The following AOX1 variants were observed in gnomAD, a reference collection of about 807,000 sequenced individuals.
The protein encoded by AOX1 is aldehyde oxidase.
A neutral mutation model predicts 169.5 loss-of-function variants in AOX1; 153 were observed. That is an observed-to-expected ratio of 0.90 (90% CI 0.79 to 1.03). The LOEUF (loss-of-function observed/expected upper bound fraction) is 1.03. Ranked by LOEUF, AOX1 falls within the 50% of genes least tolerant of loss-of-function variation. The pLI, the probability that AOX1 is intolerant of heterozygous loss-of-function variation, is 0.00. For synonymous variants in AOX1, 562 were observed against 581.9 expected (o/e 0.97, Z 0.49); for missense variants, 1,656 against 1,663.9 (o/e 1.00, Z 0.08).
At chr2:200,668,836 TTA>T (rs2035973937) in intron 33 of AOX1, 33 bp downstream of exon 33, 1 of 1,581,238 alleles carries the variant, frequency 6.3e-7, no homozygotes, top group African/African-American at 1.3e-5. Flanking sequence ...ATATGCATGT[TTA>T]TATGATACCT....
chr2:200,596,703 C>A (rs941297177), intron 3 of AOX1, among the ~76,000 whole-genome samples: 1 of 152,176 alleles, frequency 6.6e-6, no homozygotes, highest in African/African-American at 2.4e-5. Flanking sequence ...AATTGTATCT[C>A]AGGGATGAGA....
intron 1 of AOX1, among the ~76,000 whole-genome samples, chr2:200,588,726 C>CTTTTTTTTTGTTTTTTTTTTTTTTT (rs2034096687): frequency 1.9e-5 from 1 of 53,986 alleles, no homozygotes; most frequent in South Asian, 6.3e-4. Context: ...CTAGAATAAG[C>CTTTTTTTTTGTTTTTTTTTTTTTTT]TTTTTTTTTT....
In AOX1 at chr2:200,668,760, T is replaced by G. The variant is rs1162335317; in HGVS notation, c.3755T>G (p.Leu1252Trp). ...CDMPTELHIA[L>W]LPPSQNSNTL... ...ATGCCCACGGAGTTGCACATTGCTTTGTTGCCTCCTTCTCAAAACTCAAAT... is the reference window on the plus strand; with the variant it reads ...ATGCCCACGGAGTTGCACATTGCTTGGTTGCCTCCTTCTCAAAACTCAAAT... Residue 1252 changes from leucine (L) to tryptophan (W), a missense_variant, in exon 33 of 35, where the codon TTG becomes TGG. Leu to Trp is a moderately conservative substitution (Grantham distance 61, BLOSUM62 -2). Transcript: ENST00000374700. 6.2e-7 allele frequency: 1 copy of G among 1,614,062 alleles called. No homozygotes were observed. The highest frequency in any genetic ancestry group is 8.5e-7 in the Non-Finnish European group (1 of 1,180,050).
At chr2:200,590,290 C>G (rs1487248202) in intron 1 of AOX1, among the ~76,000 whole-genome samples, 1 of 152,184 alleles carries the variant, frequency 6.6e-6, no homozygotes, top group African/African-American at 2.4e-5. Context: ...TGAACTTGGA[C>G]TCTCCCAAAA....
At chr2:200,612,473 A>T in intron 13 of AOX1, 136 bp from the exon 14 acceptor site, 1 of 790,412 alleles carries the variant, frequency 1.3e-6, no homozygotes, top group Non-Finnish European at 2.1e-6. Context: ...CAACACACAC[A>T]CACTACCTGG....
At chr2:200,621,676 T>TTCTCTCTCTCTCTC (rs71405337) in intron 18 of AOX1, among the ~76,000 whole-genome samples, 2 of 149,130 alleles carry the variant, frequency 1.3e-5, no homozygotes, top group East Asian at 2.0e-4. Context: ...AGTTCATTCA[T>TTCTCTCTCTCTCTC]TCTCTCTCTC....
chr2:200,669,592 G>A lies in AOX1; in HGVS notation c.3816G>A (p.Gly1272=). Residue 1272 remains glycine (G), a synonymous_variant, in exon 34 of 35, where the codon GGG becomes GGA. Coordinates refer to ENST00000374700, the MANE Select transcript of AOX1 (RefSeq NM_001159.4). ...LYSSKGLGES[G]VFLGCSVFFA... ...CTTTCAAGGGTCTGGGAGAGTCGGG[G>A]GTGTTCCTGGGGTGTTCCGTGTTTT... is the stretch of plus-strand genomic sequence containing the variant. The A allele has an allele frequency of 1.2e-6, 2 of 1,613,964 alleles. No individual in the cohort carries two copies. The highest frequency in any genetic ancestry group is 1.7e-6 in the Non-Finnish European group (2 of 1,179,996).
rs752407149 is a variant in AOX1 at position 200,642,793 on chromosome 2, C to T, written c.2839C>T (p.Pro947Ser). 2.7e-5 allele frequency: 43 copies of T among 1,612,476 alleles called. No individual in the cohort carries two copies. Among genetic ancestry groups the T allele is most frequent in the Non-Finnish European group, 3.4e-5 (40 of 1,179,210 alleles). The part of the protein sequence containing the change: ...TEVAAKCGLS[P>S]EKVRIINMYK... The stretch of plus-strand genomic sequence containing the variant: ...AGTTGCAGCCAAATGTGGACTATCC[C>T]CTGAGAAGGTAATACTAAATCAGCT... Residue 947 changes from proline to serine, a missense_variant, in exon 25 of 35, where the codon CCT (proline) becomes TCT (serine). Coordinates refer to ENST00000374700, the MANE Select transcript of AOX1 (RefSeq NM_001159.4).
chr2:200,592,409 C>T (rs549997446), intron 1 of AOX1, among the ~76,000 whole-genome samples: 233 of 152,298 alleles, frequency 1.5e-3, no homozygotes, highest in Non-Finnish European at 2.6e-3. Context: ...GCAAGTCATG[C>T]TTCTATGTGT....
At chr2:200,627,605 C>G (rs1235946390) in intron 20 of AOX1, among the ~76,000 whole-genome samples, 156 bp downstream of exon 20, 4 of 152,114 alleles carry the variant, frequency 2.6e-5, no homozygotes, top group Non-Finnish European at 5.9e-5. Flanking sequence ...GTGTTTCCCT[C>G]CGTCTCTGGG....
At chr2:200,609,193 G>A in intron 11 of AOX1, 58 bp downstream of exon 11, 1 of 1,600,958 alleles carries the variant, frequency 6.2e-7, no homozygotes, top group Non-Finnish European at 8.5e-7. Context: ...TCTCCCTGAT[G>A]AATCATGACA....
intron 10 of AOX1, among the ~76,000 whole-genome samples, chr2:200,607,875 C>G (rs1417463322): frequency 1.3e-5 from 2 of 152,130 alleles, no homozygotes; most frequent in Non-Finnish European, 2.9e-5. Flanking sequence ...GAACAGAAAA[C>G]CAAACACCAC....
intron 6 of AOX1, among the ~76,000 whole-genome samples, 183 bp from the exon 7 acceptor site, chr2:200,603,084 A>G (rs1447096564): frequency 2.0e-5 from 3 of 152,092 alleles, no homozygotes; most frequent in Non-Finnish European, 4.4e-5. Flanking sequence ...GCTATTCAAA[A>G]TTTTCTGTAA....
chr2:200,601,670 G>A (rs1010886986), intron 5 of AOX1, among the ~76,000 whole-genome samples: 1 of 151,902 alleles, frequency 6.6e-6, no homozygotes, highest in African/African-American at 2.4e-5. Flanking sequence ...AGTGGCTCAC[G>A]CCTGTAATCC....
chr2:200,631,965 GT>G (rs1305747818), intron 20 of AOX1, among the ~76,000 whole-genome samples: 2 of 151,958 alleles, frequency 1.3e-5, no homozygotes, highest in Non-Finnish European at 2.9e-5. Flanking sequence ...TCATTTTTCT[GT>G]GCTCTTTTTT....
chr2:200,640,964 A>G, intron 23 of AOX1, 134 bp from the exon 24 acceptor site: 1 of 621,024 alleles, frequency 1.6e-6, no homozygotes. Flanking sequence ...AGAGCTAGTT[A>G]TATACTATCC....
chr2:200,665,382 C>G (rs1039377389), intron 31 of AOX1, among the ~76,000 whole-genome samples: 1 of 152,178 alleles, frequency 6.6e-6, no homozygotes, highest in Non-Finnish European at 1.5e-5. Context: ...CCACTCTCTC[C>G]AGTCCTAACA....
At chr2:200,679,201 A>G (rs1353261397), downstream of AOX1, 4 of 152,362 alleles carry the variant, frequency 2.6e-5, no homozygotes, top group East Asian at 7.7e-4. Flanking sequence ...AATTATATTC[A>G]TATCAAAGTA....
intron 1 of AOX1, 130 bp downstream of exon 1, chr2:200,586,283 C>G (rs4470327): frequency 1.0e-6 from 1 of 994,874 alleles, no homozygotes; most frequent in South Asian, 1.7e-5. Context: ...GGCTTTCTCC[C>G]GTAACAGCGG....
Sources: gnomAD v4.1 joint callset for allele counts (sites outside exome capture counted in the v4.1 genomes callset) on GRCh38, gnomAD v4.1.1 for gene constraint, MANE v1.5 for transcripts, NCBI Gene and HGNC (gene_info 2026-07-23, HGNC 2026-07-21) for gene names.